The following ELP6 variants were observed in gnomAD, a reference collection of about 807,000 sequenced individuals.
ELP6 encodes elongator complex protein 6.
In ELP6, 23 loss-of-function variants were observed where a neutral mutation model predicts 28.1. The observed-to-expected ratio is 0.82, with a 90% CI of 0.59 to 1.16. ELP6 has a LOEUF of 1.16. Among genes scored for constraint, ELP6 ranks in the 50% most tolerant of loss-of-function variants. The pLI is 0.00. For synonymous variants in ELP6, 132 were observed against 135.8 expected (o/e 0.97, Z 0.19); for missense variants, 313 against 334.6 (o/e 0.94, Z 0.50).
At chr3:47,499,536 A>AAAAAAT (rs34741663) in intron 5 of ELP6, among the ~76,000 whole-genome samples, 1 of 119,542 alleles carries the variant, frequency 8.4e-6, no homozygotes, top group Non-Finnish European at 1.7e-5. Context: ...AAAAAAAAAA[A>AAAAAAT]AGCCAGGCGT....
chr3:47,504,419 A>G lies in ELP6; in HGVS notation c.234T>C (p.Arg78=), dbSNP rs780668754. Residue 78 remains arginine (R), a synonymous_variant, in exon 4 of 7, where the codon CGT becomes CGC. Transcript: ENST00000296149. ...LGVSLTMARE[R]GQLVFLEGLK... The stretch of plus-strand genomic sequence containing the variant: ...GTCCCTCAAGGAACACAAGCTGCCC[A>G]CGCTCCCGCGCCATGGTCAGGCTGA... The G allele has an allele frequency of 6.2e-7, 1 of 1,608,636 alleles. No homozygotes were observed. The highest frequency in any genetic ancestry group is 2.2e-5 in the East Asian group (1 of 44,554).
rs141960307 is a variant in ELP6 at position 47,505,466 on chromosome 3, G to A, written c.205-1018C>T. On this transcript the variant is annotated intron_variant, in intron 3 of 6. Coordinates refer to ENST00000296149, the MANE Select transcript of ELP6 (RefSeq NM_001031703.3). The stretch of plus-strand genomic sequence containing the variant: ...ATTGCCTAGGCTGGAGTGCAGTGAC[G>A]CAATCTCAGCTCACTGCAACCTCTG... Among the ~76,000 whole-genome samples the A allele has an allele frequency of 3.6e-3, 553 of 152,102 alleles. 4 individuals are homozygous for A. Among genetic ancestry groups the A allele is most frequent in the East Asian group, 0.019 (97 of 5,166 alleles).
At chr3:47,497,761 T>C (rs1289286574) in intron 6 of ELP6, among the ~76,000 whole-genome samples, 1 of 152,000 alleles carries the variant, frequency 6.6e-6, no homozygotes, top group Non-Finnish European at 1.5e-5. Flanking sequence ...AAACCCCGTC[T>C]CTACTAAAAA....
Position 47,495,682 on chromosome 3 carries a change from G to A in ELP6, c.*387C>T, listed in dbSNP as rs2108064588. The A allele has an allele frequency of 4.6e-6, 1 of 219,190 alleles. No homozygotes were observed. The highest frequency in any genetic ancestry group is 1.7e-4 in the East Asian group (1 of 6,024). The allele number at this position is 219,190 out of a possible 1,614,324, so 13.6% of individuals were successfully genotyped here. A position where few individuals can be genotyped will look rare whatever the true frequency, so the allele number is the denominator to read the frequency against. On this transcript the variant is annotated 3_prime_UTR_variant, in exon 7 of 7. Transcript: ENST00000296149. ...CTTTATTCCAGCCATGATTATCCTA[G>A]TTGTCACCTTGCACACCTGCCATCC...
At chr3:47,512,791 C>T (rs1385468994) in intron 1 of ELP6, 16 of 935,080 alleles carry the variant, frequency 1.7e-5, no homozygotes, top group Admixed American at 6.2e-5. Flanking sequence ...TACAATGTGC[C>T]AATTGCTCCG....
chr3:47,507,912 C>T (rs184492541), intron 3 of ELP6, among the ~76,000 whole-genome samples: 11 of 151,714 alleles, frequency 7.3e-5, no homozygotes, highest in Admixed American at 4.0e-4. Context: ...CATGCCATTC[C>T]TGCTGTGCTG....
At position 47,498,466 on chromosome 3, in the gene ELP6, A is replaced by G. The variant is rs754573820; in HGVS notation, c.526-34T>C. 2.5e-6 allele frequency: 4 copies of G among 1,604,536 alleles called. No individual in the cohort carries two copies. In the South Asian group the frequency reaches 3.3e-5, roughly 13 times the overall value. Reference sequence around the variant, plus strand: ...GATACAAGATGGAAGCCTGCTCCTTACTGGAAAGGACACCCAGAGTCAGGG... The same window carrying G: ...GATACAAGATGGAAGCCTGCTCCTTGCTGGAAAGGACACCCAGAGTCAGGG... On this transcript the variant is annotated intron_variant, in intron 5 of 6. Coordinates refer to ENST00000296149, the MANE Select transcript of ELP6 (RefSeq NM_001031703.3).
chr3:47,510,982 C>A (rs747691913), intron 2 of ELP6, among the ~76,000 whole-genome samples, 166 bp downstream of exon 2: 1 of 152,180 alleles, frequency 6.6e-6, no homozygotes, highest in Admixed American at 6.5e-5. Flanking sequence ...GGGGAAGGAA[C>A]GAGATGGCCT....
chr3:47,497,231 C>G, intron 6 of ELP6: 1 of 985,384 alleles, frequency 1.0e-6, no homozygotes, highest in Non-Finnish European at 1.2e-6. Context: ...AGCTTCCCTC[C>G]CAGGGCAGGA....
At chr3:47,496,748 C>A in intron 6 of ELP6, 1 of 966,996 alleles carries the variant, frequency 1.0e-6, no homozygotes, top group African/African-American at 1.8e-5. Context: ...CCCACCTCGG[C>A]CTCCCAAAGT....
intron 1 of ELP6, chr3:47,511,574 C>T: frequency 2.5e-6 from 2 of 797,570 alleles, no homozygotes; most frequent in Non-Finnish European, 3.0e-6. Flanking sequence ...ATGCTTTTAC[C>T]ATCAGACTCC....
At position 47,513,633 on chromosome 3, in the gene ELP6, G is replaced by A. The variant is rs1400016068; in HGVS notation, c.-43C>T. On this transcript the variant is annotated 5_prime_UTR_variant, in exon 1 of 7. Transcript: ENST00000296149. ...AGCGCTCTGGAGGAGAACCCGGAGT[G>A]CTGCAGAGACGACGGAGGCTGGAGA... 4 of 1,611,586 alleles carry A rather than the reference G, an allele frequency of 2.5e-6. No individual in the cohort carries two copies. Among genetic ancestry groups the A allele is most frequent in the Non-Finnish European group, 3.4e-6 (4 of 1,178,560 alleles).
chr3:47,500,181 T>C lies in ELP6; in HGVS notation c.525+1469A>G, dbSNP rs531988827. On this transcript the variant is annotated intron_variant, in intron 5 of 6. Transcript: ENST00000296149. ...AATGAAGCAGATCCATGTGTTATTTTTGGGCAATGGACAACAAAATATACC... is the reference window on the plus strand; with the variant it reads ...AATGAAGCAGATCCATGTGTTATTTCTGGGCAATGGACAACAAAATATACC... The C allele has an allele frequency of 1.1e-4, 118 of 1,122,568 alleles. 1 individual carries two copies. The South Asian group carries it at 2.0e-3, about 19-fold the overall frequency. The allele number at this position is 1,122,568 out of a possible 1,614,324, so 69.5% of individuals were successfully genotyped here.
chr3:47,504,101 C>G (rs1708752685), intron 4 of ELP6: 1 of 483,814 alleles, frequency 2.1e-6, no homozygotes, highest in Non-Finnish European at 3.6e-6. Context: ...TATAGTTCTG[C>G]CATCCTTCCA....
intron 6 of ELP6, chr3:47,497,242 C>T: frequency 1.0e-6 from 1 of 985,420 alleles, no homozygotes; most frequent in South Asian, 4.7e-5. Flanking sequence ...CAGGGCAGGA[C>T]TCTCAGTTTC....
In ELP6 at chr3:47,501,847, C is replaced by T. The variant is rs1248103269; in HGVS notation, c.328G>A (p.Ala110Thr). Residue 110 changes from alanine (A) to threonine (T), a missense_variant, in exon 5 of 7, where the codon GCT (alanine) becomes ACT (threonine). Transcript: ENST00000296149. ...EPHPLQFLREANAGNLKPLFE... is the reference protein window; with the variant it reads ...EPHPLQFLRETNAGNLKPLFE... ...AATGGTTTCAAGTTCCCAGCATTAG[C>T]CTCCCTGGAGAGACAGGACAAAAGT... is the stretch of plus-strand genomic sequence containing the variant. 1 of 1,612,808 alleles carries T rather than the reference C, an allele frequency of 6.2e-7. No individual in the cohort carries two copies. Among genetic ancestry groups the T allele is most frequent in the African/African-American group, 1.3e-5 (1 of 74,844 alleles).
At chr3:47,511,715 T>A in intron 1 of ELP6, 2 of 753,736 alleles carry the variant, frequency 2.7e-6, no homozygotes, top group Non-Finnish European at 3.3e-6. Context: ...CTGATACAGA[T>A]GTCTGATAAC....
chr3:47,508,637 G>A (rs980456850), intron 3 of ELP6, among the ~76,000 whole-genome samples: 24 of 152,068 alleles, frequency 1.6e-4, no homozygotes, highest in Non-Finnish European at 1.5e-5. Flanking sequence ...ATGTTGAACC[G>A]GCTTTGCAAA....
chr3:47,511,405 C>A (rs1709013906), intron 1 of ELP6, 179 bp from the exon 2 acceptor site: 2 of 1,411,338 alleles, frequency 1.4e-6, no homozygotes, highest in Admixed American at 6.1e-5. Flanking sequence ...ATGGAAAATC[C>A]ATGACTAAAG....
Sources: allele counts gnomAD v4.1 joint callset (sites outside exome capture counted in the v4.1 genomes callset), GRCh38; gene constraint gnomAD v4.1.1; transcripts MANE v1.5; gene names NCBI Gene and HGNC (gene_info 2026-07-23, HGNC 2026-07-21).